Variants in ELF1 observed in about 807,000 individuals in gnomAD.
ELF1 encodes the protein ETS-related transcription factor Elf-1.
A neutral mutation model predicts 59.9 loss-of-function variants in ELF1; 24 were observed. The observed-to-expected ratio is 0.40, with a 90% CI of 0.29 to 0.56. ELF1 has a LOEUF of 0.56. Ranked by LOEUF, ELF1 falls within the 20% of genes least tolerant of loss-of-function variation. The probability of loss-of-function intolerance (pLI) is 0.44; values close to 1 mark genes in which losing one functional copy is unlikely to be tolerated. For synonymous variants in ELF1, 248 were observed against 266.2 expected (o/e 0.93, Z 0.67); for missense variants, 627 against 742.2 (o/e 0.84, Z 1.80).
chr13:41,009,734 T>C (rs1477580316), intron 1 of ELF1, among the ~76,000 whole-genome samples: 2 of 152,180 alleles, frequency 1.3e-5, no homozygotes, highest in Non-Finnish European at 2.9e-5. Context: ...GGTGACAGTC[T>C]ATGATTTTTC....
chr13:40,933,475 A>G lies in ELF1; in HGVS notation c.1810T>C (p.Ser604Pro). ...TCGTTTTGTTTCATAGCTACCTGAG[A>G]AGTAAATCCATTGGAACTGGACACT... ...MVVSSSNGFT[S>P]QVAMKQNELL... Residue 604 changes from serine (S) to proline (P), a missense_variant, in exon 9 of 9, where the codon TCT (serine) becomes CCT (proline). Around this residue, in one of 3 missense-constraint regions of ELF1, gnomAD observed 361 missense variants for 396.1 expected, o/e 0.91. Coordinates refer to ENST00000239882, the MANE Select transcript of ELF1 (RefSeq NM_172373.4). The G allele has an allele frequency of 6.2e-7, 1 of 1,614,196 alleles. No homozygotes were observed. Among genetic ancestry groups the G allele is most frequent in the South Asian group, 1.1e-5 (1 of 91,076 alleles).
At chr13:40,997,891 A>C (rs12871360) in intron 1 of ELF1, among the ~76,000 whole-genome samples, 9 of 152,102 alleles carry the variant, frequency 5.9e-5, no homozygotes, top group African/African-American at 2.2e-4. Flanking sequence ...TGGCTCATGC[A>C]CATAATCCCA....
intron 1 of ELF1, among the ~76,000 whole-genome samples, chr13:41,011,770 A>AT (rs1361275072): frequency 5.9e-5 from 9 of 151,532 alleles, no homozygotes; most frequent in African/African-American, 1.2e-4. Context: ...CAGAGTTTTC[A>AT]TTTTTTTGAA....
chr13:40,987,978 G>A (rs1168478488), intron 1 of ELF1, among the ~76,000 whole-genome samples: 1 of 152,170 alleles, frequency 6.6e-6, no homozygotes, highest in Non-Finnish European at 1.5e-5. Context: ...AAGAAAGTGA[G>A]AGAAAAGAAG....
At chr13:40,965,995 A>T (rs1385680291) in intron 2 of ELF1, among the ~76,000 whole-genome samples, 1 of 152,248 alleles carries the variant, frequency 6.6e-6, no homozygotes, top group Non-Finnish European at 1.5e-5. Context: ...GAAGAATGAC[A>T]ACATTCAAAA....
intron 8 of ELF1, among the ~76,000 whole-genome samples, chr13:40,936,070 A>G (rs981974961): frequency 3.3e-5 from 5 of 152,182 alleles, no homozygotes; most frequent in Non-Finnish European, 7.3e-5. Context: ...TAACCTTATA[A>G]TATGTATAAC....
rs1361112672 is a variant in ELF1, at chr13:41,009,967, T to A, written c.-229+9261A>T. ...AGAGCCTTTGTTTTCCTAGGTCATA[T>A]TTATCAATATATGTTTTTTACTTAC... On this transcript the variant is annotated intron_variant, in intron 1 of 8. Coordinates refer to ENST00000239882, the MANE Select transcript of ELF1 (RefSeq NM_172373.4). 2.0e-5 allele frequency among the ~76,000 whole-genome samples: 3 copies of A among 151,906 alleles called. No individual in the cohort carries two copies. The East Asian group carries it at 5.8e-4, about 29-fold the overall frequency.
chr13:40,977,645 G>A (rs1872995144), intron 2 of ELF1, among the ~76,000 whole-genome samples: 1 of 152,048 alleles, frequency 6.6e-6, no homozygotes, highest in Non-Finnish European at 1.5e-5. Context: ...AGCCAAAACA[G>A]AATACATTAT....
At chr13:40,967,266 A>G (rs1872236193) in intron 2 of ELF1, among the ~76,000 whole-genome samples, 1 of 152,236 alleles carries the variant, frequency 6.6e-6, no homozygotes, top group African/African-American at 2.4e-5. Context: ...CAAATGCACT[A>G]CATACACACA....
Position 40,955,137 on chromosome 13 carries a change from G to T in ELF1, c.253+3699C>A, listed in dbSNP as rs369434138. Among the ~76,000 whole-genome samples the T allele has an allele frequency of 9.4e-5, 14 of 149,668 alleles. No homozygotes were observed. The East Asian group carries it at 2.0e-3, about 22-fold the overall frequency. On this transcript the variant is annotated intron_variant, in intron 3 of 8. Coordinates refer to ENST00000239882, the MANE Select transcript of ELF1 (RefSeq NM_172373.4). ...TGAGGAGACCCTCTGCCTGGCAACC[G>T]CCGCGTCTGAGAAGTGAGGAGCCCC...
At position 40,955,674 on chromosome 13, in the gene ELF1, T is replaced by C. The variant is rs552547718; in HGVS notation, c.253+3162A>G. On this transcript the variant is annotated intron_variant, in intron 3 of 8. Coordinates refer to ENST00000239882, the MANE Select transcript of ELF1 (RefSeq NM_172373.4). The stretch of plus-strand genomic sequence containing the variant: ...CCAGCCGCCCCGTCCGGGAGGGAGG[T>C]GGGGGAGTCAGCCCCCGGCCTGGCC... Among the ~76,000 whole-genome samples the C allele has an allele frequency of 2.3e-3, 175 of 75,986 alleles. 2 individuals are homozygous for C. Among genetic ancestry groups the C allele is most frequent in the Non-Finnish European group, 3.4e-3 (130 of 38,366 alleles). The allele number at this position is 75,986 out of a possible 152,430, so 49.8% of individuals were successfully genotyped here.
intron 2 of ELF1, among the ~76,000 whole-genome samples, chr13:40,978,393 A>C (rs1200195660): frequency 2.0e-5 from 3 of 151,942 alleles, no homozygotes; most frequent in Non-Finnish European, 4.4e-5. Flanking sequence ...AAAAACAAAA[A>C]AGAAAAGAAA....
intron 1 of ELF1, among the ~76,000 whole-genome samples, chr13:41,060,173 T>A (rs1877462077): frequency 6.6e-6 from 1 of 152,132 alleles, no homozygotes; most frequent in South Asian, 2.1e-4. Context: ...GCCGGGCGGC[T>A]GCGCGGCCGG....
intron 1 of ELF1, among the ~76,000 whole-genome samples, chr13:40,999,031 T>C (rs1874267303): frequency 6.6e-6 from 1 of 152,224 alleles, no homozygotes; most frequent in Non-Finnish European, 1.5e-5. Context: ...GCTTATTTGA[T>C]GCATCCAGAA....
At chr13:40,940,106 C>T (rs1270437927) in intron 8 of ELF1, among the ~76,000 whole-genome samples, 5 of 152,092 alleles carry the variant, frequency 3.3e-5, no homozygotes, top group Non-Finnish European at 5.9e-5. Flanking sequence ...AAATGTAAGA[C>T]TGAAGTTTGC....
In ELF1 at chr13:40,998,197, T is replaced by C. The variant is rs9566648; in HGVS notation, c.-228-15915A>G. ...AACCACAAGATGAGAAATGAAAATATGGAAGGCCATGGGCTTAGTACTGTA... is the reference window on the plus strand; with the variant it reads ...AACCACAAGATGAGAAATGAAAATACGGAAGGCCATGGGCTTAGTACTGTA... On this transcript the variant is annotated intron_variant, in intron 1 of 8. Coordinates refer to ENST00000239882, the MANE Select transcript of ELF1 (RefSeq NM_172373.4). Among the ~76,000 whole-genome samples, 417 of 152,164 alleles carry C rather than the reference T, an allele frequency of 2.7e-3. 7 individuals are homozygous for C. The East Asian group carries it at 0.052, about 19-fold the overall frequency.
chr13:40,958,493 A>G (rs1231298954), intron 3 of ELF1, among the ~76,000 whole-genome samples: 1 of 152,034 alleles, frequency 6.6e-6, no homozygotes, highest in South Asian at 2.1e-4. Context: ...CAGGAGTCCA[A>G]GTCTAGGCTG....
In ELF1 at chr13:40,949,790, A is replaced by G. The variant is rs369207788; in HGVS notation, c.529+16T>C. The G allele has an allele frequency of 2.0e-5, 33 of 1,613,172 alleles. No homozygotes were observed. In the African/African-American group the frequency reaches 3.6e-4, roughly 18 times the overall value. ...CAAGACTTGACTATGCGCCCTAAAC[A>G]AAGTAACCCACCTACCTTTTTTCCT... is the stretch of plus-strand genomic sequence containing the variant. On this transcript the variant is annotated intron_variant, in intron 5 of 8. Transcript: ENST00000239882.
chr13:41,026,558 A>G (rs533623161), intron 1 of ELF1, among the ~76,000 whole-genome samples: 155 of 152,298 alleles, frequency 1.0e-3, no homozygotes, highest in African/African-American at 3.5e-3. Flanking sequence ...TAGGTAAATC[A>G]CAGCACAGGC....
Sources: gnomAD v4.1 joint callset for allele counts (sites outside exome capture counted in the v4.1 genomes callset) on GRCh38, gnomAD v4.1.1 for gene constraint, gnomAD v4.1.1 regional missense constraint, MANE v1.5 for transcripts, NCBI Gene and HGNC (gene_info 2026-07-23, HGNC 2026-07-21) for gene names.